The following ATG10 variants were observed in gnomAD, a reference collection of about 807,000 sequenced individuals.
The protein encoded by ATG10 is autophagy related 10, also known as ubiquitin-like-conjugating enzyme ATG10.
Under a neutral mutation model 32.1 loss-of-function variants are expected in ATG10, and 30 were observed. The ratio of observed to expected loss-of-function variants is 0.94; its 90% confidence interval spans 0.70 to 1.27. The LOEUF is 1.27. ATG10 is among the 50% of genes most tolerant of loss of function. The pLI is 0.00. For synonymous variants in ATG10, 87 were observed against 91.5 expected, an observed-to-expected ratio of 0.95 and a Z score of 0.28; for missense variants, 233 against 262.3, an observed-to-expected ratio of 0.89 and a Z score of 0.77.
chr5:82,202,064 G>A (rs1227933779), intron 5 of ATG10, among the ~76,000 whole-genome samples: 2 of 152,118 alleles, frequency 1.3e-5, no homozygotes, highest in African/African-American at 4.8e-5. Flanking sequence ...ATTGACAATT[G>A]AAGACAGTTT....
chr5:82,132,431 T>C (rs1273363518), intron 3 of ATG10, among the ~76,000 whole-genome samples: 1 of 100,026 alleles, frequency 1.0e-5, no homozygotes, highest in Non-Finnish European at 1.9e-5. Context: ...CAGGCCCCCG[T>C]GTGTGATGTT....
At chr5:82,083,298 T>C (rs1764549071) in intron 3 of ATG10, among the ~76,000 whole-genome samples, 1 of 152,130 alleles carries the variant, frequency 6.6e-6, no homozygotes, top group Non-Finnish European at 1.5e-5. Flanking sequence ...CATCCACCAT[T>C]GCTGAGGCTT....
chr5:81,983,078 C>T (rs1340719106), intron 1 of ATG10, among the ~76,000 whole-genome samples: 3 of 152,208 alleles, frequency 2.0e-5, no homozygotes, highest in Non-Finnish European at 2.9e-5. Context: ...GTACACCTCC[C>T]AGACGGGGTG....
chr5:82,175,203 T>C (rs1465483654), intron 4 of ATG10, among the ~76,000 whole-genome samples: 1 of 152,200 alleles, frequency 6.6e-6, no homozygotes, highest in Non-Finnish European at 1.5e-5. Flanking sequence ...AAAATAGTGC[T>C]TATTCTGAAG....
chr5:82,106,526 T>G (rs1471550175), intron 3 of ATG10, among the ~76,000 whole-genome samples: 1 of 152,078 alleles, frequency 6.6e-6, no homozygotes, highest in Admixed American at 6.6e-5. Context: ...TGTTCTTTGT[T>G]TCATTTACCA....
chr5:81,976,210 CGT>C (rs996840622), intron 1 of ATG10: 1 of 151,240 alleles, frequency 6.6e-6, no homozygotes, highest in Non-Finnish European at 1.5e-5. Flanking sequence ...GGGGTTTCAC[CGT>C]GTTAGCCAAG....
intron 3 of ATG10, among the ~76,000 whole-genome samples, chr5:82,125,083 G>A (rs954103135): frequency 6.6e-6 from 1 of 152,188 alleles, no homozygotes; most frequent in Non-Finnish European, 1.5e-5. Context: ...CTGCATAAAT[G>A]TGTTCTTTTG....
chr5:81,987,807 T>A (rs1456162432), intron 2 of ATG10, 129 bp downstream of exon 2: 2 of 635,306 alleles, frequency 3.1e-6, no homozygotes, highest in Non-Finnish European at 5.5e-6. Flanking sequence ...TTAGTAAAAG[T>A]CTTAAATTGA....
At chr5:82,016,011 G>A (rs757070496) in intron 2 of ATG10, among the ~76,000 whole-genome samples, 5 of 152,118 alleles carry the variant, frequency 3.3e-5, no homozygotes, top group Non-Finnish European at 7.4e-5. Context: ...TGGATAGATT[G>A]TGAAGATTTT....
intron 2 of ATG10, among the ~76,000 whole-genome samples, chr5:82,005,056 C>T (rs1284022323): frequency 6.6e-6 from 1 of 152,022 alleles, no homozygotes; most frequent in African/African-American, 2.4e-5. Context: ...TGATTATGGA[C>T]TCATGTATAA....
intron 5 of ATG10, among the ~76,000 whole-genome samples, chr5:82,251,131 TCAC>T (rs1257288469): frequency 2.6e-5 from 4 of 152,292 alleles, no homozygotes; most frequent in Non-Finnish European, 4.4e-5. Context: ...AACTCATCCC[TCAC>T]CACCACCACC....
At chr5:82,248,793 G>C (rs1747133165) in intron 5 of ATG10, among the ~76,000 whole-genome samples, 1 of 151,564 alleles carries the variant, frequency 6.6e-6, no homozygotes, top group African/African-American at 2.4e-5. Flanking sequence ...TGATTCTTTT[G>C]AACCAAAAGC....
intron 3 of ATG10, among the ~76,000 whole-genome samples, chr5:82,064,795 C>A (rs747419180): frequency 6.6e-6 from 1 of 152,040 alleles, no homozygotes; most frequent in Admixed American, 6.5e-5. Flanking sequence ...ATAACAATAA[C>A]AATATTATAA....
chr5:82,032,100 A>C (rs1762757151), intron 2 of ATG10, among the ~76,000 whole-genome samples: 1 of 152,220 alleles, frequency 6.6e-6, no homozygotes, highest in Non-Finnish European at 1.5e-5. Context: ...GACAAGTAGG[A>C]CCAATGAGAG....
chr5:82,020,154 C>A (rs952825740), intron 2 of ATG10, among the ~76,000 whole-genome samples: 3 of 152,202 alleles, frequency 2.0e-5, no homozygotes, highest in African/African-American at 7.2e-5. Flanking sequence ...CCAGTTAAAC[C>A]AGTCGATGTC....
intron 2 of ATG10, among the ~76,000 whole-genome samples, chr5:82,011,202 T>C (rs1017800325): frequency 2.6e-5 from 4 of 151,648 alleles, no homozygotes; most frequent in African/African-American, 9.7e-5. Context: ...TTCTGAATTC[T>C]TTTTTTTTCT....
chr5:82,225,469 A>T (rs1429257743), intron 5 of ATG10, among the ~76,000 whole-genome samples: 1 of 152,220 alleles, frequency 6.6e-6, no homozygotes, highest in Non-Finnish European at 1.5e-5. Flanking sequence ...AGAGGAAAGG[A>T]GATGCTCTCT....
intron 3 of ATG10, chr5:82,078,650 C>G (rs1252007286): frequency 6.6e-6 from 1 of 152,164 alleles, no homozygotes; most frequent in East Asian, 1.9e-4. Context: ...AACTCCCATG[C>G]TAACCAGTAG....
chr5:82,185,572 T>A (rs981970422), intron 5 of ATG10, among the ~76,000 whole-genome samples: 1 of 152,120 alleles, frequency 6.6e-6, no homozygotes, highest in African/African-American at 2.4e-5. Context: ...AACATGACAA[T>A]TAATTTTAGT....
Sources: gnomAD v4.1 joint callset for allele counts (sites outside exome capture counted in the v4.1 genomes callset) on GRCh38, gnomAD v4.1.1 for gene constraint, MANE v1.5 for transcripts, NCBI Gene and HGNC (gene_info 2026-07-23, HGNC 2026-07-21) for gene names.